Variants in HIP1 observed in about 807,000 individuals in gnomAD.
HIP1 encodes huntingtin interacting protein 1, also known as huntingtin-interacting protein 1.
Under a neutral mutation model 147.6 loss-of-function variants are expected in HIP1, and 65 were observed. That is an observed-to-expected ratio of 0.44 (90% confidence interval 0.36 to 0.54). The LOEUF is 0.54. Among genes scored for constraint, HIP1 ranks in the 20% least tolerant of loss-of-function variants. The probability of loss-of-function intolerance (pLI) is 0.00; values close to 1 mark genes in which losing one functional copy is unlikely to be tolerated. For missense variants in HIP1, 1,061 were observed against 1,299.6 expected (o/e 0.82, Z 2.82); for synonymous variants, 479 against 504.0 (o/e 0.95, Z 0.67).
Position 75,699,889 on chromosome 7 carries a change from C to T in HIP1, c.120+38912G>A, listed in dbSNP as rs564246668. 2.8e-4 allele frequency among the ~76,000 whole-genome samples: 42 copies of T among 152,084 alleles called. 1 individual carries two copies. Among genetic ancestry groups the T allele is most frequent in the African/African-American group, 1.0e-3 (42 of 41,470 alleles). ...CCTTTGAGACAGAGTCTCTCTCTGTCACCCAGGCTGGAGTGCAGTGGCACA... is the reference window on the plus strand; with the variant it reads ...CCTTTGAGACAGAGTCTCTCTCTGTTACCCAGGCTGGAGTGCAGTGGCACA... On this transcript the variant is annotated intron_variant, in intron 1 of 30. Transcript: ENST00000336926.
At chr7:75,650,047 A>G (rs1798922190) in intron 1 of HIP1, among the ~76,000 whole-genome samples, 1 of 152,138 alleles carries the variant, frequency 6.6e-6, no homozygotes, top group Non-Finnish European at 1.5e-5. Flanking sequence ...CCCAGAGCCT[A>G]ACCATTCTGC....
intron 1 of HIP1, among the ~76,000 whole-genome samples, chr7:75,605,682 C>T (rs1470861145): frequency 1.3e-5 from 2 of 152,018 alleles, no homozygotes; most frequent in Non-Finnish European, 2.9e-5. Context: ...ATAATAGTTG[C>T]ACATTACCAC....
At chr7:75,670,350 T>C (rs1371603096) in intron 1 of HIP1, among the ~76,000 whole-genome samples, 1 of 146,362 alleles carries the variant, frequency 6.8e-6, no homozygotes, top group African/African-American at 2.6e-5. Flanking sequence ...AGGGATGGGG[T>C]TTCACCATGT....
At position 75,545,148 on chromosome 7, in the gene HIP1, C is replaced by G. The variant is rs138790100; in HGVS notation, c.2600G>C (p.Arg867Pro). 1 of 1,611,730 alleles carries G rather than the reference C, an allele frequency of 6.2e-7. No individual in the cohort carries two copies. Among genetic ancestry groups the G allele is most frequent in the Non-Finnish European group, 8.5e-7 (1 of 1,179,294 alleles). Residue 867 changes from arginine (R) to proline (P), a missense_variant, in exon 26 of 31, where the codon CGA (arginine) becomes CCA (proline). By Grantham distance (103) the Arg-to-Pro change is moderately radical. This residue lies in a region of HIP1 where 810 missense variants were observed against 946.8 expected (regional missense o/e 0.86). Coordinates refer to ENST00000336926, the MANE Select transcript of HIP1 (RefSeq NM_005338.7). ...GGCTGAGATAAGTCCTTCTGTCCATCGAGAGTTCTTGGCATAAAACTCTTT... is the reference window on the plus strand; with the variant it reads ...GGCTGAGATAAGTCCTTCTGTCCATGGAGAGTTCTTGGCATAAAACTCTTT... ...SPKEFYAKNS[R>P]WTEGLISASK...
intron 8 of HIP1, among the ~76,000 whole-genome samples, chr7:75,571,428 C>T (rs1451198935): frequency 6.6e-6 from 1 of 152,164 alleles, no homozygotes; most frequent in Non-Finnish European, 1.5e-5. Context: ...CCCTTCTAAT[C>T]CCTGGGCAGC....
chr7:75,559,526 CT>C (rs1795141570), intron 14 of HIP1, among the ~76,000 whole-genome samples: 1 of 152,232 alleles, frequency 6.6e-6, no homozygotes, highest in East Asian at 1.9e-4. Flanking sequence ...CATCTCTGTG[CT>C]CAGCGGTGCC....
chr7:75,736,279 T>A (rs1337773561), intron 1 of HIP1, among the ~76,000 whole-genome samples: 1 of 152,106 alleles, frequency 6.6e-6, no homozygotes, highest in East Asian at 1.9e-4. Flanking sequence ...GGTGGAAACT[T>A]TCACAAACCT....
intron 1 of HIP1, among the ~76,000 whole-genome samples, chr7:75,691,688 T>C (rs369231846): frequency 7.2e-5 from 11 of 152,002 alleles, no homozygotes; most frequent in African/African-American, 2.4e-4. Flanking sequence ...CTCAGGAGGC[T>C]GAGGCAGAAG....
At position 75,561,352 on chromosome 7, in the gene HIP1, G is replaced by C. The variant is rs1795222168; in HGVS notation, c.1168C>G (p.Gln390Glu). The C allele has an allele frequency of 6.2e-7, 1 of 1,612,432 alleles. No individual in the cohort carries two copies. Among genetic ancestry groups the C allele is most frequent in the Non-Finnish European group, 8.5e-7 (1 of 1,178,560 alleles). ...ACCTCAGTCTTCATGTTTTCTAGCT[G>C]TGCCTTCAATCCACTGATCTCTCTG... Reference protein sequence around the residue: ...LYREISGLKAQLENMKTESQR... With the variant: ...LYREISGLKAELENMKTESQR... Residue 390 changes from glutamine (Q) to glutamate (E), a missense_variant, in exon 13 of 31, where the codon CAG becomes GAG. Gln to Glu is a conservative substitution (Grantham distance 29). Coordinates refer to ENST00000336926, the MANE Select transcript of HIP1 (RefSeq NM_005338.7).
chr7:75,566,808 A>G lies in HIP1; in HGVS notation c.803+1391T>C, dbSNP rs961818120. On this transcript the variant is annotated intron_variant, in intron 9 of 30. Transcript: ENST00000336926. ...ATCTCTGGCCTAAATGGATGATGGC[A>G]GTATTTGTTGAGATAGAAAAGAATG... is the stretch of plus-strand genomic sequence containing the variant. Among the ~76,000 whole-genome samples the G allele has an allele frequency of 9.9e-5, 15 of 151,332 alleles. 1 individual carries two copies. The highest frequency in any genetic ancestry group is 3.7e-4 in the African/African-American group (15 of 40,646).
chr7:75,538,339 G>A (rs1794164270), intron 30 of HIP1, 115 bp from the exon 31 acceptor site: 1 of 819,474 alleles, frequency 1.2e-6, no homozygotes. Context: ...TAACCATGGT[G>A]TAATCACATA....
At position 75,556,818 on chromosome 7, in the gene HIP1, G is replaced by C. The variant is rs1795023433; in HGVS notation, c.1582-7C>G. 1 of 1,579,618 alleles carries C rather than the reference G, an allele frequency of 6.3e-7. No individual in the cohort carries two copies. Among genetic ancestry groups the C allele is most frequent in the South Asian group, 1.1e-5 (1 of 90,108 alleles). On this transcript the variant is annotated splice_polypyrimidine_tract_variant and splice_region_variant and intron_variant, in intron 16 of 30. Transcript: ENST00000336926. ...CTTCCAGCTGTTCTTGAGTCTGAAA[G>C]AGAAGAAAAACAGAGGGACTCTGAT...
At chr7:75,726,610 G>A (rs1801657702) in intron 1 of HIP1, among the ~76,000 whole-genome samples, 1 of 151,718 alleles carries the variant, frequency 6.6e-6, no homozygotes, top group African/African-American at 2.4e-5. Context: ...CCACGTCCTT[G>A]CCAATGCTTG....
chr7:75,562,301 T>A, intron 11 of HIP1, 131 bp from the exon 12 acceptor site: 5 of 621,978 alleles, frequency 8.0e-6, no homozygotes, highest in South Asian at 1.9e-5. Flanking sequence ...ATTTTTTTAA[T>A]TTTTTTGAGA....
intron 1 of HIP1, among the ~76,000 whole-genome samples, chr7:75,681,164 C>T (rs145188252): frequency 7.6e-4 from 116 of 152,228 alleles, no homozygotes; most frequent in African/African-American, 2.6e-3. Flanking sequence ...CCGTCCGCCT[C>T]GGCCTTTCAA....
chr7:75,643,552 T>C (rs1393688774), intron 1 of HIP1, among the ~76,000 whole-genome samples: 3 of 152,162 alleles, frequency 2.0e-5, no homozygotes, highest in Non-Finnish European at 4.4e-5. Flanking sequence ...TTGCAGGTAT[T>C]GTGGAAGAGT....
intron 1 of HIP1, among the ~76,000 whole-genome samples, chr7:75,708,179 T>C (rs1801058532): frequency 6.6e-6 from 1 of 152,190 alleles, no homozygotes; most frequent in South Asian, 2.1e-4. Context: ...TTTATTCAAG[T>C]CCTTTGCCCA....
chr7:75,639,191 C>G, intron 1 of HIP1: 1 of 983,278 alleles, frequency 1.0e-6, no homozygotes, highest in Non-Finnish European at 1.2e-6. Flanking sequence ...CCCCCGCGGA[C>G]CGGGGCAGGC....
intron 1 of HIP1, among the ~76,000 whole-genome samples, chr7:75,730,449 C>T (rs191592021): frequency 3.3e-4 from 50 of 151,556 alleles, no homozygotes; most frequent in Admixed American, 2.8e-3. Flanking sequence ...AAGTGATTCT[C>T]GTGCCTCAGC....
Sources: allele counts gnomAD v4.1 joint callset (sites outside exome capture counted in the v4.1 genomes callset), GRCh38; gene constraint gnomAD v4.1.1; regional missense constraint gnomAD v4.1.1; transcripts MANE v1.5; gene names NCBI Gene and HGNC (gene_info 2026-07-23, HGNC 2026-07-21).